DPP10: variants seen among roughly 807,000 people sequenced by gnomAD.
DPP10 encodes the protein inactive dipeptidyl peptidase 10.
DPP10 carries 33 observed loss-of-function variants against 120.9 expected under a neutral mutation model. The ratio of observed to expected loss-of-function variants is 0.27; its 90% CI spans 0.21 to 0.37. DPP10 has a LOEUF of 0.37. DPP10 is among the 10% of genes least tolerant of loss of function. The pLI, the probability that DPP10 is intolerant of heterozygous loss-of-function variation, is 1.00. For missense variants in DPP10, 816 were observed against 942.8 expected (o/e 0.87, Z 1.76); for synonymous variants, 337 against 326.1 (o/e 1.03, Z -0.36).
chr2:115,329,910 G>C (rs1016568842), intron 2 of DPP10, among the ~76,000 whole-genome samples: 1 of 152,172 alleles, frequency 6.6e-6, no homozygotes, highest in African/African-American at 2.4e-5. Flanking sequence ...TGTGCATTGT[G>C]TCTTTATAGC....
chr2:115,792,034 T>C (rs1251381669), intron 19 of DPP10, among the ~76,000 whole-genome samples: 1 of 152,186 alleles, frequency 6.6e-6, no homozygotes, highest in Non-Finnish European at 1.5e-5. Context: ...TTAGATACAA[T>C]AATTTCTTCA....
At chr2:114,513,299 G>A (rs550707028) in intron 1 of DPP10, among the ~76,000 whole-genome samples, 1 of 152,158 alleles carries the variant, frequency 6.6e-6, no homozygotes, top group Admixed American at 6.5e-5. Flanking sequence ...GAGGCAGGTG[G>A]ATCATGAGGT....
intron 1 of DPP10, among the ~76,000 whole-genome samples, chr2:115,188,391 A>G (rs1436829332): frequency 1.3e-5 from 2 of 152,172 alleles, no homozygotes; most frequent in African/African-American, 2.4e-5. Flanking sequence ...TTCTGTATAA[A>G]GAAGTTTGGG....
chr2:114,508,840 C>A (rs988340312), intron 1 of DPP10, among the ~76,000 whole-genome samples: 1 of 152,084 alleles, frequency 6.6e-6, no homozygotes, highest in Non-Finnish European at 1.5e-5. Context: ...CTGCCTCAAA[C>A]TGGACCAAAT....
chr2:115,045,254 A>G (rs917651599), intron 1 of DPP10, among the ~76,000 whole-genome samples: 4 of 152,122 alleles, frequency 2.6e-5, no homozygotes, highest in East Asian at 1.9e-4. Context: ...TCTCTCCTGG[A>G]CTGATATATT....
chr2:114,765,752 G>A (rs115923654), intron 1 of DPP10, among the ~76,000 whole-genome samples: 100 of 152,264 alleles, frequency 6.6e-4, no homozygotes, highest in African/African-American at 2.2e-3. Flanking sequence ...TATCAGTGCT[G>A]AGACTGGGAA....
intron 1 of DPP10, among the ~76,000 whole-genome samples, chr2:114,852,736 G>A (rs924584853): frequency 6.6e-6 from 1 of 152,114 alleles, no homozygotes; most frequent in African/African-American, 2.4e-5. Context: ...CTTTTGATCA[G>A]AGACTATGCC....
At chr2:115,815,030 A>G (rs755436641) in intron 20 of DPP10, 43 bp downstream of exon 20, 54 of 1,551,380 alleles carry the variant, frequency 3.5e-5, no homozygotes, top group Non-Finnish European at 4.7e-5. Flanking sequence ...CTATAATGAC[A>G]GAGTCTTGGT....
At chr2:114,799,507 ATGTT>A (rs1684008057) in intron 1 of DPP10, among the ~76,000 whole-genome samples, 3 of 152,174 alleles carry the variant, frequency 2.0e-5, no homozygotes, top group Admixed American at 2.0e-4. Flanking sequence ...GAATCCATGT[ATGTT>A]TTCTTTCAAG....
chr2:115,261,390 T>A (rs1312006763), intron 1 of DPP10, among the ~76,000 whole-genome samples: 1 of 152,172 alleles, frequency 6.6e-6, no homozygotes, highest in Non-Finnish European at 1.5e-5. Flanking sequence ...ATGGAACGCA[T>A]GGTGAAGAAA....
chr2:115,297,884 C>G (rs1195369838), intron 1 of DPP10, among the ~76,000 whole-genome samples: 1 of 151,986 alleles, frequency 6.6e-6, no homozygotes, highest in African/African-American at 2.4e-5. Flanking sequence ...GGCTATTGTT[C>G]CAGTCTGTAG....
chr2:115,076,248 T>G (rs573136171), intron 1 of DPP10, among the ~76,000 whole-genome samples: 52 of 129,572 alleles, frequency 4.0e-4, no homozygotes, highest in African/African-American at 1.6e-3. Flanking sequence ...AAGTAATTAC[T>G]TCAGTTTATT....
chr2:115,564,412 A>G (rs886563541), intron 5 of DPP10, among the ~76,000 whole-genome samples: 1 of 152,124 alleles, frequency 6.6e-6, no homozygotes, highest in Admixed American at 6.6e-5. Context: ...TTGGAAGTCT[A>G]TTTTTCACGG....
chr2:115,405,411 G>C (rs183981633), intron 3 of DPP10, among the ~76,000 whole-genome samples: 13 of 152,272 alleles, frequency 8.5e-5, no homozygotes, highest in African/African-American at 3.1e-4. Context: ...GGTGTAGCCC[G>C]TGTGGCTACT....
At chr2:115,513,551 T>A (rs2077345079) in intron 4 of DPP10, among the ~76,000 whole-genome samples, 1 of 152,004 alleles carries the variant, frequency 6.6e-6, no homozygotes, top group South Asian at 2.1e-4. Context: ...GTGTTATTTA[T>A]TTAGCCATTG....
chr2:115,111,399 G>A (rs2049211943), intron 1 of DPP10, among the ~76,000 whole-genome samples: 1 of 152,124 alleles, frequency 6.6e-6, no homozygotes. Flanking sequence ...GGGAGACAAA[G>A]TGAGATTAAA....
intron 1 of DPP10, among the ~76,000 whole-genome samples, chr2:114,878,650 T>C (rs886307439): frequency 2.0e-5 from 3 of 152,118 alleles, no homozygotes; most frequent in African/African-American, 7.2e-5. Context: ...GATCCATTTT[T>C]TTAGTTGCCA....
At chr2:114,647,150 G>A (rs778579839) in intron 1 of DPP10, among the ~76,000 whole-genome samples, 2 of 152,202 alleles carry the variant, frequency 1.3e-5, no homozygotes, top group South Asian at 2.1e-4. Context: ...CCAAATTAGC[G>A]AGAGCAGCTC....
intron 5 of DPP10, among the ~76,000 whole-genome samples, chr2:115,533,638 A>G (rs901291443): frequency 2.6e-5 from 4 of 152,086 alleles, no homozygotes; most frequent in Non-Finnish European, 5.9e-5. Context: ...GGGGGAGTAC[A>G]TAATCTGGTT....
Sources: gnomAD v4.1 joint callset for allele counts (sites outside exome capture counted in the v4.1 genomes callset) on GRCh38, gnomAD v4.1.1 for gene constraint, MANE v1.5 for transcripts, NCBI Gene and HGNC (gene_info 2026-07-23, HGNC 2026-07-21) for gene names.